The following FOXO1 variants were observed in gnomAD, a reference collection of about 807,000 sequenced individuals.
FOXO1 encodes forkhead box O1.
Under a neutral mutation model 44.1 loss-of-function variants are expected in FOXO1, and 6 were observed. The observed-to-expected ratio is 0.14, with a 90% CI of 0.07 to 0.27. The LOEUF (loss-of-function observed/expected upper bound fraction) is 0.27, where lower values mean the gene tolerates loss of function less well. Ranked by LOEUF, FOXO1 falls within the 10% of genes least tolerant of loss-of-function variation. The probability of loss-of-function intolerance (pLI) is 1.00; values close to 1 mark genes in which losing one functional copy is unlikely to be tolerated. For synonymous variants in FOXO1, 380 were observed against 362.7 expected, an observed-to-expected ratio of 1.05 and a Z score of -0.54; for missense variants, 737 against 888.8, an observed-to-expected ratio of 0.83 and a Z score of 2.17.
intron 1 of FOXO1, among the ~76,000 whole-genome samples, chr13:40,631,732 G>A (rs566756376): frequency 1.3e-5 from 2 of 152,206 alleles, no homozygotes; most frequent in Non-Finnish European, 2.9e-5. Flanking sequence ...GAGACAGAAA[G>A]TAGAATGGTG....
At chr13:40,620,461 G>A (rs767145101) in intron 1 of FOXO1, 102 of 620,858 alleles carry the variant, frequency 1.6e-4, no homozygotes, top group African/African-American at 7.4e-5. Context: ...GTGGCTCTTC[G>A]GTCAATCTTA....
intron 1 of FOXO1, among the ~76,000 whole-genome samples, chr13:40,635,831 C>T (rs557608109): frequency 1.3e-5 from 2 of 152,202 alleles, no homozygotes; most frequent in Non-Finnish European, 2.9e-5. Context: ...AGGTCCCAGC[C>T]ATCAGGATGA....
intron 1 of FOXO1, among the ~76,000 whole-genome samples, chr13:40,611,402 A>G (rs1401776150): frequency 6.6e-6 from 1 of 152,250 alleles, no homozygotes; most frequent in African/African-American, 2.4e-5. Flanking sequence ...TGTGTATTTC[A>G]GGATATGACC....
chr13:40,654,573 A>G (rs1877798883), intron 1 of FOXO1, among the ~76,000 whole-genome samples: 1 of 152,194 alleles, frequency 6.6e-6, no homozygotes, highest in East Asian at 1.9e-4. Flanking sequence ...ACGCAGAAAA[A>G]AAAGATTTTC....
rs563650133 is a variant in FOXO1 at position 40,666,030 on chromosome 13, G to A, written c.183C>T (p.Ala61=). 62 of 1,283,336 alleles carry A rather than the reference G, an allele frequency of 4.8e-5. No homozygotes were observed. In the Admixed American group the frequency reaches 7.6e-4, roughly 16 times the overall value. 79.5% of individuals were successfully genotyped at this position (1,283,336 alleles called of 1,614,324 possible). ...AGTCGGCGCTGACAGCGGCAGCCGA[G>A]GCCGAGGGCAGGCCCGCCGCGGCGT... is the stretch of plus-strand genomic sequence containing the variant. ...NPDAAAGLPS[A]SAAAVSADFM... The change falls in exon 1 of 3, where the codon GCC becomes GCT. Residue 61 remains alanine (A), a synonymous_variant. Transcript: ENST00000379561.
At chr13:40,586,793 G>A (rs540754930) in intron 1 of FOXO1, among the ~76,000 whole-genome samples, 205 of 152,172 alleles carry the variant, frequency 1.3e-3, no homozygotes, top group African/African-American at 4.5e-3. Flanking sequence ...TGATGGGTAC[G>A]GAAGTTACTG....
intron 1 of FOXO1, among the ~76,000 whole-genome samples, chr13:40,608,996 GT>G (rs2137888404): frequency 6.6e-6 from 1 of 152,286 alleles, no homozygotes; most frequent in South Asian, 2.1e-4. Context: ...TGAAATAAAT[GT>G]TAAAATACAA....
At chr13:40,603,918 T>C (rs1207685574) in intron 1 of FOXO1, among the ~76,000 whole-genome samples, 1 of 152,228 alleles carries the variant, frequency 6.6e-6, no homozygotes, top group African/African-American at 2.4e-5. Context: ...GTACTAGAGC[T>C]TAGCTTTAGC....
At chr13:40,610,356 G>A (rs1876187016) in intron 1 of FOXO1, among the ~76,000 whole-genome samples, 1 of 152,202 alleles carries the variant, frequency 6.6e-6, no homozygotes, top group Non-Finnish European at 1.5e-5. Flanking sequence ...TGTACAACAA[G>A]GGGGTGTTTA....
Position 40,620,464 on chromosome 13 carries a change from C to A in FOXO1, c.630+45119G>T. On this transcript the variant is annotated intron_variant, in intron 1 of 2. Coordinates refer to ENST00000379561, the MANE Select transcript of FOXO1 (RefSeq NM_002015.4). ...GAGCCATCATCAGTGGCTCTTCGGT[C>A]AATCTTAAGGCAGATTATGACTGGG... The A allele has an allele frequency of 4.9e-6, 3 of 618,328 alleles. No individual in the cohort carries two copies. In the South Asian group the frequency reaches 5.0e-5, roughly 10 times the overall value. 38.3% of individuals were successfully genotyped at this position (618,328 alleles called of 1,614,324 possible).
chr13:40,625,925 G>A (rs999400909), intron 1 of FOXO1, among the ~76,000 whole-genome samples: 2 of 152,092 alleles, frequency 1.3e-5, no homozygotes, highest in African/African-American at 4.8e-5. Flanking sequence ...TTATGAACCA[G>A]GTCCCTGACC....
intron 1 of FOXO1, among the ~76,000 whole-genome samples, chr13:40,606,509 C>T (rs1876006030): frequency 6.6e-6 from 1 of 152,140 alleles, no homozygotes. Context: ...GATGGGGTTT[C>T]ACCATGTTGG....
rs757736365 is a variant in FOXO1 at position 40,559,625 on chromosome 13, G to A, written c.1866C>T (p.Leu622=). The A allele has an allele frequency of 6.2e-7, 1 of 1,614,218 alleles. No homozygotes were observed. Among genetic ancestry groups the A allele is most frequent in the African/African-American group, 1.3e-5 (1 of 75,066 alleles). ...TAAAATCCAATGTATCTCCATCCAT[G>A]AGGTCATTCCGAATGATGGATTCCA... ...CDMESIIRND[L]MDGDTLDFNF... is the part of the protein sequence containing the mutation. The change falls in exon 2 of 3, where the codon CTC becomes CTT. Residue 622 remains leucine (L), a synonymous_variant. Transcript: ENST00000379561.
At chr13:40,658,253 C>T (rs1877919088) in intron 1 of FOXO1, among the ~76,000 whole-genome samples, 1 of 152,102 alleles carries the variant, frequency 6.6e-6, no homozygotes, top group Non-Finnish European at 1.5e-5. Flanking sequence ...ATACTAAAAG[C>T]TAAACGAGGG....
At chr13:40,561,721 C>G (rs1027140886) in intron 1 of FOXO1, among the ~76,000 whole-genome samples, 2 of 152,104 alleles carry the variant, frequency 1.3e-5, no homozygotes, top group African/African-American at 4.8e-5. Flanking sequence ...ATAATCCCAG[C>G]ACTGTAGGAG....
At chr13:40,628,389 A>ACACACACACACC (rs1555252079) in intron 1 of FOXO1, among the ~76,000 whole-genome samples, 1 of 148,704 alleles carries the variant, frequency 6.7e-6, no homozygotes, top group African/African-American at 2.5e-5. Context: ...ACACACACAC[A>ACACACACACACC]CCCCGTGAGG....
chr13:40,618,571 G>A (rs934617745), intron 1 of FOXO1, among the ~76,000 whole-genome samples: 2 of 152,188 alleles, frequency 1.3e-5, no homozygotes, highest in Non-Finnish European at 2.9e-5. Flanking sequence ...ATGAAACCAA[G>A]AACAGTACAG....
intron 1 of FOXO1, among the ~76,000 whole-genome samples, chr13:40,598,737 T>C (rs1057368294): frequency 3.3e-5 from 5 of 152,254 alleles, no homozygotes; most frequent in African/African-American, 1.2e-4. Flanking sequence ...CCAGCAGCAC[T>C]GGCATCACTA....
At chr13:40,661,604 GCTTT>G (rs1346325629) in intron 1 of FOXO1, among the ~76,000 whole-genome samples, 1 of 151,748 alleles carries the variant, frequency 6.6e-6, no homozygotes, top group Middle Eastern at 3.2e-3. Context: ...GCCTATCAAG[GCTTT>G]CTTTAAGGTA....
Sources: gnomAD v4.1 joint callset for allele counts (sites outside exome capture counted in the v4.1 genomes callset) on GRCh38, gnomAD v4.1.1 for gene constraint, MANE v1.5 for transcripts, NCBI Gene and HGNC (gene_info 2026-07-23, HGNC 2026-07-21) for gene names.